ASCC2: variants seen among roughly 807,000 people sequenced by gnomAD.
ASCC2 encodes the protein activating signal cointegrator 1 complex subunit 2.
A neutral mutation model predicts 93.5 loss-of-function variants in ASCC2; 42 were observed. The ratio of observed to expected loss-of-function variants is 0.45; its 90% CI spans 0.35 to 0.58. The LOEUF is 0.58. Ranked by LOEUF, ASCC2 falls within the 20% of genes least tolerant of loss-of-function variation. The pLI is 0.00. For missense variants in ASCC2, 859 were observed against 977.6 expected (o/e 0.88, Z 1.62); for synonymous variants, 364 against 384.2 (o/e 0.95, Z 0.62).
intron 1 of ASCC2, chr22:29,834,461 G>C (rs1276645078): frequency 6.4e-6 from 3 of 470,194 alleles, no homozygotes; most frequent in Non-Finnish European, 1.3e-5. Flanking sequence ...AGTAATAAGA[G>C]AGGACCAGTC....
intron 18 of ASCC2, among the ~76,000 whole-genome samples, chr22:29,792,095 C>T (rs5752961): frequency 0.41 from 61,892 of 152,056 alleles, 13,230 homozygotes; most frequent in East Asian, 0.59. Flanking sequence ...GGCCCTTGGG[C>T]TCTAACTCCT....
At chr22:29,808,726 G>A (rs995555398) in intron 8 of ASCC2, among the ~76,000 whole-genome samples, 6 of 151,764 alleles carry the variant, frequency 4.0e-5, no homozygotes, top group Non-Finnish European at 7.4e-5. Flanking sequence ...GGGAGGCTGA[G>A]GCAGTAGGCC....
At chr22:29,815,819 A>G (rs1688517716) in intron 6 of ASCC2, among the ~76,000 whole-genome samples, 187 bp downstream of exon 6, 1 of 152,248 alleles carries the variant, frequency 6.6e-6, no homozygotes, top group Non-Finnish European at 1.5e-5. Context: ...TCTTGTTCAA[A>G]AGGGAAAACG....
chr22:29,806,457 G>A (rs762167007), intron 11 of ASCC2, 28 bp downstream of exon 11: 1 of 1,611,080 alleles, frequency 6.2e-7, no homozygotes, highest in East Asian at 2.2e-5. Flanking sequence ...GGAGGGTCAT[G>A]GGCCCAGGCC....
At chr22:29,808,807 C>T (rs2059965327) in intron 8 of ASCC2, among the ~76,000 whole-genome samples, 1 of 130,422 alleles carries the variant, frequency 7.7e-6, no homozygotes, top group Non-Finnish European at 1.5e-5. Context: ...GAGACCCTAT[C>T]TCAAAAAAAA....
At chr22:29,824,793 G>C (rs2062081401) in intron 4 of ASCC2, among the ~76,000 whole-genome samples, 1 of 152,096 alleles carries the variant, frequency 6.6e-6, no homozygotes, top group African/African-American at 2.4e-5. Flanking sequence ...GTTCCTTTAA[G>C]AAGTCAGAAT....
At chr22:29,809,344 C>T (rs2060036773) in intron 8 of ASCC2, among the ~76,000 whole-genome samples, 1 of 151,946 alleles carries the variant, frequency 6.6e-6, no homozygotes, top group African/African-American at 2.4e-5. Flanking sequence ...GTTTCTATAA[C>T]TTTTTAGTTA....
At chr22:29,832,205 T>C (rs1189897476) in intron 2 of ASCC2, 40 bp downstream of exon 2, 3 of 1,548,692 alleles carry the variant, frequency 1.9e-6, no homozygotes, top group Non-Finnish European at 2.7e-6. Context: ...ATTGCAAGAC[T>C]GACAATATCA....
At position 29,802,191 on chromosome 22, in the gene ASCC2, C is replaced by A; in HGVS notation, c.1371G>T (p.Ala457=). Residue 457 remains alanine (A), a synonymous_variant, in exon 14 of 20, where the codon GCG becomes GCT. Transcript: ENST00000307790. Reference sequence around the variant, plus strand: ...CCCCACACATGGCAGGGCCCACAGCCGCGGCTGCTCCCATGCACTGTAGTG... The same window carrying A: ...CCCCACACATGGCAGGGCCCACAGCAGCGGCTGCTCCCATGCACTGTAGTG... ...SEEEECMGAA[A]AVGPAMCGVE... is the part of the protein sequence containing the mutation. 1 of 1,614,102 alleles carries A rather than the reference C, an allele frequency of 6.2e-7. No homozygotes were observed. The highest frequency in any genetic ancestry group is 8.5e-7 in the Non-Finnish European group (1 of 1,180,036).
chr22:29,826,058 C>A (rs886926219), intron 2 of ASCC2: 6 of 290,406 alleles, frequency 2.1e-5, no homozygotes, highest in African/African-American at 1.1e-4. Flanking sequence ...TTAATATAAT[C>A]AGTTTTCATT....
rs1294046050 is a variant in ASCC2 at position 29,793,347 on chromosome 22, A to C, written c.1919+13T>G. 1 of 1,612,766 alleles carries C rather than the reference A, an allele frequency of 6.2e-7. No homozygotes were observed. On this transcript the variant is annotated intron_variant, in intron 17 of 19. Coordinates refer to ENST00000307790, the MANE Select transcript of ASCC2 (RefSeq NM_032204.5). The stretch of plus-strand genomic sequence containing the variant: ...TGCTCTGCCCTGGAACGCCACCCCC[A>C]CTATGGCCTCACCTGCGGCTGATGA...
intron 1 of ASCC2, chr22:29,834,248 C>T (rs370997610): frequency 2.5e-4 from 61 of 243,956 alleles, no homozygotes; most frequent in Non-Finnish European, 3.6e-4. Context: ...AGGGGTGAGA[C>T]GGGGTGAAGG....
intron 5 of ASCC2, chr22:29,822,092 A>T (rs1422845252): frequency 2.1e-6 from 1 of 481,852 alleles, no homozygotes; most frequent in Admixed American, 3.3e-5. Context: ...AAAAACAAAA[A>T]CAAAAAATTT....
In ASCC2 at chr22:29,804,785, T is replaced by C. The variant is rs373936278; in HGVS notation, c.1206A>G (p.Ala402=). 28 of 1,614,018 alleles carry C rather than the reference T, an allele frequency of 1.7e-5. No homozygotes were observed. Among genetic ancestry groups the C allele is most frequent in the Non-Finnish European group, 1.9e-5 (23 of 1,180,016 alleles). Residue 402 remains alanine (A), a synonymous_variant, in exon 13 of 20, where the codon GCA becomes GCG. Transcript: ENST00000307790. ...CTTTCCGTCTGTCCACCCCTTCCCA[T>C]GCACTCTCGACTGCCTGGAGGATGT... ...TAYILQAVES[A]WEGVDRRKAT... is the part of the protein sequence containing the mutation.
intron 19 of ASCC2, among the ~76,000 whole-genome samples, chr22:29,790,208 A>G (rs1213207500): frequency 6.6e-6 from 1 of 152,138 alleles, no homozygotes; most frequent in Non-Finnish European, 1.5e-5. Context: ...GGGACCCTGG[A>G]GCTGAGCCAT....
At chr22:29,816,295 G>A in intron 5 of ASCC2, among the ~76,000 whole-genome samples, 1 of 152,158 alleles carries the variant, frequency 6.6e-6, no homozygotes, top group East Asian at 1.9e-4. Flanking sequence ...ACCTTGCTCA[G>A]TATGATTTAA....
chr22:29,822,716 CTTTTTTTTTT>C (rs748997801), intron 4 of ASCC2, among the ~76,000 whole-genome samples: 2 of 93,000 alleles, frequency 2.2e-5, no homozygotes. Flanking sequence ...ATTATCATGT[CTTTTTTTTTT>C]TTTTTTTTTT....
chr22:29,806,115 G>A, intron 12 of ASCC2, 101 bp downstream of exon 12: 1 of 1,337,790 alleles, frequency 7.5e-7, no homozygotes, highest in African/African-American at 1.4e-5. Context: ...CATGCGTTCT[G>A]GGGCTAAACC....
chr22:29,813,313 G>A (rs2060487909), intron 8 of ASCC2, 117 bp downstream of exon 8: 2 of 740,472 alleles, frequency 2.7e-6, no homozygotes. Context: ...TCCCCAGGCT[G>A]GAAGAGGGAC....
Sources: allele counts gnomAD v4.1 joint callset (sites outside exome capture counted in the v4.1 genomes callset), GRCh38; gene constraint gnomAD v4.1.1; transcripts MANE v1.5; gene names NCBI Gene and HGNC (gene_info 2026-07-23, HGNC 2026-07-21).